Variants in MYLK observed in about 807,000 individuals in gnomAD.
The protein encoded by MYLK is myosin light chain kinase, smooth muscle.
In MYLK, 106 loss-of-function variants were observed where a neutral mutation model predicts 203.4. The observed-to-expected ratio is 0.52, with a 90% CI of 0.45 to 0.61. The LOEUF (loss-of-function observed/expected upper bound fraction) is 0.61, where lower values mean the gene tolerates loss of function less well. MYLK is among the 20% of genes least tolerant of loss of function. The pLI is 0.00. For missense variants in MYLK, 2,072 were observed against 2,442.3 expected, an observed-to-expected ratio of 0.85 and a Z score of 3.20; for synonymous variants, 867 against 959.5, an observed-to-expected ratio of 0.90 and a Z score of 1.78.
chr3:123,667,603 C>CAA (rs56812925), intron 20 of MYLK, among the ~76,000 whole-genome samples: 1 of 114,408 alleles, frequency 8.7e-6, no homozygotes. Flanking sequence ...GACTCTGTCT[C>CAA]AAAAAAAAAA....
chr3:123,618,843 T>A, intron 32 of MYLK, 73 bp from the exon 33 acceptor site: 1 of 1,596,406 alleles, frequency 6.3e-7, no homozygotes, highest in Non-Finnish European at 8.6e-7. Flanking sequence ...TTAAAGAAAC[T>A]AACTTTTAAA....
chr3:123,828,190 A>G (rs1177745060), intron 3 of MYLK, among the ~76,000 whole-genome samples: 2 of 152,162 alleles, frequency 1.3e-5, no homozygotes, highest in East Asian at 3.9e-4. Flanking sequence ...GTATCACACT[A>G]CTAGACCTCA....
intron 20 of MYLK, among the ~76,000 whole-genome samples, chr3:123,670,034 C>CAAAAAAAA (rs57445681): frequency 1.6e-4 from 6 of 37,014 alleles, no homozygotes; most frequent in Non-Finnish European, 3.1e-4. Flanking sequence ...GACTCCATCT[C>CAAAAAAAA]AAAAAAAAAA....
intron 3 of MYLK, 107 bp from the exon 4 acceptor site, chr3:123,793,951 G>T: frequency 8.0e-7 from 1 of 1,248,866 alleles, no homozygotes; most frequent in Non-Finnish European, 1.2e-6. Context: ...TTTACGTGGA[G>T]CAGATCCCCA....
intron 30 of MYLK, among the ~76,000 whole-genome samples, chr3:123,628,261 G>A (rs2058250006): frequency 6.6e-6 from 1 of 152,194 alleles, no homozygotes; most frequent in African/African-American, 2.4e-5. Flanking sequence ...AAGCCTGACA[G>A]AGCCATCTGA....
chr3:123,814,157 G>T, intron 3 of MYLK: 1 of 359,798 alleles, frequency 2.8e-6, no homozygotes, highest in Non-Finnish European at 5.6e-6. Context: ...CTGACTCATG[G>T]GCCCTGTTCC....
chr3:123,840,423 C>A (rs868862816), intron 2 of MYLK, among the ~76,000 whole-genome samples: 137 of 150,006 alleles, frequency 9.1e-4, no homozygotes, highest in African/African-American at 2.4e-3. Flanking sequence ...AAGTCTCTCT[C>A]TCTATATATA....
At chr3:123,614,969 G>C (rs905981624) in intron 33 of MYLK, among the ~76,000 whole-genome samples, 1 of 151,402 alleles carries the variant, frequency 6.6e-6, no homozygotes, top group African/African-American at 2.4e-5. Flanking sequence ...ACCATGCCTG[G>C]CTAATTTTTT....
intron 8 of MYLK, chr3:123,735,684 GA>G (rs938070071): frequency 1.1e-5 from 5 of 435,428 alleles, no homozygotes; most frequent in Non-Finnish European, 1.3e-5. Context: ...TAAACAGAAG[GA>G]AAAAAAACCA....
intron 2 of MYLK, among the ~76,000 whole-genome samples, chr3:123,874,896 T>G (rs1326481550): frequency 6.6e-6 from 1 of 152,196 alleles, no homozygotes; most frequent in African/African-American, 2.4e-5. Context: ...TCAACATCAG[T>G]AGTCACTAAG....
intron 2 of MYLK, among the ~76,000 whole-genome samples, chr3:123,868,656 T>G (rs190912188): frequency 1.7e-3 from 252 of 152,354 alleles, no homozygotes; most frequent in African/African-American, 5.9e-3. Flanking sequence ...CCACCTGATC[T>G]TGGACAAATT....
At chr3:123,698,687 C>G (rs980459546) in intron 18 of MYLK, 1 of 198,300 alleles carries the variant, frequency 5.0e-6, no homozygotes, top group African/African-American at 2.3e-5. Flanking sequence ...AACACATTAG[C>G]AGAAAATAAC....
chr3:123,657,705 T>C (rs1218083993), intron 23 of MYLK, among the ~76,000 whole-genome samples: 1 of 152,214 alleles, frequency 6.6e-6, no homozygotes, highest in Non-Finnish European at 1.5e-5. Flanking sequence ...TTTCCTGTAC[T>C]TTGCCCAAGT....
intron 4 of MYLK, among the ~76,000 whole-genome samples, chr3:123,775,466 T>C (rs1485017195): frequency 6.6e-6 from 1 of 152,214 alleles, no homozygotes; most frequent in Non-Finnish European, 1.5e-5. Flanking sequence ...TCATGCCTCT[T>C]AGAACCCAGC....
In MYLK at chr3:123,707,015, G is replaced by T. The variant is rs1299590201; in HGVS notation, c.2390+739C>A. 2.0e-5 allele frequency among the ~76,000 whole-genome samples: 3 copies of T among 152,206 alleles called. No homozygotes were observed. In the East Asian group the frequency reaches 5.8e-4, roughly 29 times the overall value. ...ACAAAGTCGGAAGTGATGGCGTGTG[G>T]CTTCCAAGGGTAGGTCTTAAAAGAC... On this transcript the variant is annotated intron_variant, in intron 16 of 33. Transcript: ENST00000360304.
chr3:123,733,158 T>C (rs2062547392), intron 10 of MYLK, 56 bp from the exon 11 acceptor site: 3 of 1,572,150 alleles, frequency 1.9e-6, no homozygotes, highest in Non-Finnish European at 2.6e-6. Flanking sequence ...CACCCTGTGA[T>C]TGTGAGGTAG....
intron 3 of MYLK, among the ~76,000 whole-genome samples, chr3:123,804,444 A>G (rs2109184646): frequency 6.6e-6 from 1 of 152,238 alleles, no homozygotes; most frequent in African/African-American, 2.4e-5. Context: ...TGAGAAGCCT[A>G]GGAAAGCCCA....
intron 19 of MYLK, among the ~76,000 whole-genome samples, chr3:123,684,723 A>T (rs1232120751): frequency 6.6e-6 from 1 of 152,008 alleles, no homozygotes; most frequent in Non-Finnish European, 1.5e-5. Flanking sequence ...TTCAGTAGAG[A>T]TGGGGTTTCG....
In MYLK at chr3:123,752,270, G is replaced by T. The variant is rs1026893992; in HGVS notation, c.373+61C>A. The stretch of plus-strand genomic sequence containing the variant: ...TCAAGAGAGGGCTAAGGCAGGAGCT[G>T]CAGGCCTTGGGGTAACTGAGAGCTC... On this transcript the variant is annotated intron_variant, in intron 5 of 33. Coordinates refer to ENST00000360304, the MANE Select transcript of MYLK (RefSeq NM_053025.4). 2.6e-6 allele frequency: 4 copies of T among 1,547,456 alleles called. No homozygotes were observed. The African/African-American group carries it at 4.1e-5, about 16-fold the overall frequency.
Sources: gnomAD v4.1 joint callset for allele counts (sites outside exome capture counted in the v4.1 genomes callset) on GRCh38, gnomAD v4.1.1 for gene constraint, MANE v1.5 for transcripts, NCBI Gene and HGNC (gene_info 2026-07-23, HGNC 2026-07-21) for gene names.